MEMO1: variants seen among roughly 807,000 people sequenced by gnomAD.
MEMO1 encodes protein MEMO1.
Under a neutral mutation model 45.2 loss-of-function variants are expected in MEMO1, and 6 were observed. That is an observed-to-expected ratio of 0.13 (90% CI 0.07 to 0.26). The LOEUF (loss-of-function observed/expected upper bound fraction) is 0.26, where lower values mean the gene tolerates loss of function less well. Among genes scored for constraint, MEMO1 ranks in the 10% least tolerant of loss-of-function variants. MEMO1 has a pLI of 1.00. For missense variants in MEMO1, 184 were observed against 370.5 expected, an observed-to-expected ratio of 0.50 and a Z score of 4.13; for synonymous variants, 78 against 124.3, an observed-to-expected ratio of 0.63 and a Z score of 2.48.
chr2:31,924,231 C>CA (rs1375204789), intron 4 of MEMO1, among the ~76,000 whole-genome samples: 4 of 151,238 alleles, frequency 2.6e-5, no homozygotes, highest in South Asian at 2.1e-4. Flanking sequence ...TAAATGCTAA[C>CA]AAAAAAAATG....
intron 6 of MEMO1, among the ~76,000 whole-genome samples, chr2:31,905,233 C>A (rs573164788): frequency 6.6e-6 from 1 of 151,238 alleles, no homozygotes; most frequent in Non-Finnish European, 1.5e-5. Context: ...AATCCTATCT[C>A]CAAAAAAGAA....
At chr2:31,886,946 T>C (rs1448419623) in intron 7 of MEMO1, among the ~76,000 whole-genome samples, 2 of 152,162 alleles carry the variant, frequency 1.3e-5, no homozygotes, top group Non-Finnish European at 2.9e-5. Flanking sequence ...CAGTAGTTTC[T>C]TCAGGTGCCT....
At chr2:31,952,609 T>G (rs192310729) in intron 2 of MEMO1, among the ~76,000 whole-genome samples, 2 of 152,332 alleles carry the variant, frequency 1.3e-5, no homozygotes, top group Admixed American at 6.5e-5. Context: ...TGTTTATAAA[T>G]CAGTTTCCTA....
chr2:31,906,219 C>T (rs1206548634), intron 6 of MEMO1, among the ~76,000 whole-genome samples: 3 of 152,160 alleles, frequency 2.0e-5, no homozygotes, highest in African/African-American at 7.2e-5. Context: ...ATCCACCCGC[C>T]TCAACCTCCC....
At chr2:32,010,645 A>AC (rs1674789128) in intron 1 of MEMO1, 1 of 123,970 alleles carries the variant, frequency 8.1e-6, no homozygotes, top group African/African-American at 3.0e-5. Context: ...ACCGCGAGTG[A>AC]CCCCACCCCC....
intron 6 of MEMO1, among the ~76,000 whole-genome samples, chr2:31,917,683 C>A (rs532126989): frequency 7.2e-5 from 11 of 152,316 alleles, no homozygotes; most frequent in African/African-American, 2.6e-4. Flanking sequence ...CCCACATACA[C>A]TCACATACCC....
At chr2:31,969,802 A>T (rs1669166309) in intron 2 of MEMO1, among the ~76,000 whole-genome samples, 2 of 148,614 alleles carry the variant, frequency 1.3e-5, no homozygotes. Flanking sequence ...AAGACAAGGG[A>T]TCTTACTATA....
At chr2:31,900,656 G>A (rs1359228052) in intron 6 of MEMO1, among the ~76,000 whole-genome samples, 1 of 151,544 alleles carries the variant, frequency 6.6e-6, no homozygotes, top group African/African-American at 2.4e-5. Context: ...GTTCTGCACT[G>A]TATCCCAGAA....
intron 2 of MEMO1, among the ~76,000 whole-genome samples, chr2:32,006,807 A>C (rs920267309): frequency 6.6e-6 from 1 of 152,030 alleles, no homozygotes; most frequent in Admixed American, 6.6e-5. Context: ...TCTACTAAAA[A>C]TACAAAAATT....
chr2:31,942,392 T>A (rs1293031860), intron 3 of MEMO1, among the ~76,000 whole-genome samples: 1 of 152,232 alleles, frequency 6.6e-6, no homozygotes, highest in African/African-American at 2.4e-5. Context: ...TTTATAGCAA[T>A]GGCTACCAAA....
At chr2:31,901,271 G>A (rs1013581904) in intron 6 of MEMO1, among the ~76,000 whole-genome samples, 1 of 150,750 alleles carries the variant, frequency 6.6e-6, no homozygotes, top group African/African-American at 2.4e-5. Context: ...TACTTGGGAG[G>A]CGGAGGCAGA....
Position 31,870,277 on chromosome 2 carries a change from T to C in MEMO1, c.658-325A>G, listed in dbSNP as rs184410112. Among the ~76,000 whole-genome samples, 8 of 152,280 alleles carry C rather than the reference T, an allele frequency of 5.3e-5. No homozygotes were observed. In the East Asian group the frequency reaches 1.2e-3, roughly 22 times the overall value. On this transcript the variant is annotated intron_variant, in intron 8 of 9. Transcript: ENST00000404530. Reference sequence around the variant, plus strand: ...TTCATAATATTATATCTTTCTTCCATAGAAAGAATACACAAAAGTAAATCT... The same window carrying C: ...TTCATAATATTATATCTTTCTTCCACAGAAAGAATACACAAAAGTAAATCT...
At chr2:31,963,041 C>T (rs1376861216) in intron 2 of MEMO1, 1 of 1,268,840 alleles carries the variant, frequency 7.9e-7, no homozygotes, top group African/African-American at 1.5e-5. Context: ...CATCAGATTT[C>T]TTCTGCCTTC....
Position 31,915,270 on chromosome 2 carries a change from C to T in MEMO1, c.437+2656G>A, listed in dbSNP as rs567204954. On this transcript the variant is annotated intron_variant, in intron 6 of 9. Coordinates refer to ENST00000404530, the MANE Select transcript of MEMO1 (RefSeq NM_001301833.4). ...AAGATTTCTGAACATCCTGGGAGGG[C>T]TGGGTGTATATGACATGTTAAAGAG... is the stretch of plus-strand genomic sequence containing the variant. 2.6e-5 allele frequency among the ~76,000 whole-genome samples: 4 copies of T among 152,250 alleles called. No homozygotes were observed. The South Asian group carries it at 8.3e-4, about 32-fold the overall frequency.
intron 2 of MEMO1, among the ~76,000 whole-genome samples, chr2:31,969,238 T>A (rs1256912223): frequency 6.6e-6 from 1 of 151,492 alleles, no homozygotes; most frequent in Non-Finnish European, 1.5e-5. Flanking sequence ...GACTTACTGG[T>A]AAGTGATTTA....
At chr2:31,925,475 C>CAAAAAAAAAAAAAAAAAAAAAAAAAA (rs70964741) in intron 4 of MEMO1, among the ~76,000 whole-genome samples, 1 of 79,236 alleles carries the variant, frequency 1.3e-5, no homozygotes, top group African/African-American at 7.0e-5. Context: ...GACTCCGTCT[C>CAAAAAAAAAAAAAAAAAAAAAAAAAA]AAAAAAAAAA....
rs547848318 is a variant in MEMO1, at chr2:31,943,780, C to G, written c.62-397G>C. ...TACAGATTAATCACTGAAATGACAT[C>G]CACAGAAGGTAATCACTTCCACACC... On this transcript the variant is annotated intron_variant, in intron 2 of 9. Coordinates refer to ENST00000404530, the MANE Select transcript of MEMO1 (RefSeq NM_001301833.4). Among the ~76,000 whole-genome samples, 8 of 152,244 alleles carry G rather than the reference C, an allele frequency of 5.3e-5. No individual in the cohort carries two copies. The South Asian group carries it at 1.0e-3, about 20-fold the overall frequency.
chr2:31,966,389 G>A (rs1490498440), intron 2 of MEMO1, among the ~76,000 whole-genome samples: 4 of 152,160 alleles, frequency 2.6e-5, no homozygotes, highest in Admixed American at 2.0e-4. Context: ...CCTTTCTTCT[G>A]AAAGATGAAT....
In MEMO1 at chr2:31,890,432, C is replaced by T. The variant is rs1348323934; in HGVS notation, c.580+1560G>A. On this transcript the variant is annotated intron_variant, in intron 7 of 9. Coordinates refer to ENST00000404530, the MANE Select transcript of MEMO1 (RefSeq NM_001301833.4). ...TTTGCAGTAATGATACTTAAGTTTTCAAGGTCACTTATTACATTTCAAAAT... is the reference window on the plus strand; with the variant it reads ...TTTGCAGTAATGATACTTAAGTTTTTAAGGTCACTTATTACATTTCAAAAT... 2.0e-5 allele frequency among the ~76,000 whole-genome samples: 3 copies of T among 152,056 alleles called. No individual in the cohort carries two copies. In the East Asian group the frequency reaches 5.8e-4, roughly 29 times the overall value.
Sources: gnomAD v4.1 joint callset for allele counts (sites outside exome capture counted in the v4.1 genomes callset) on GRCh38, gnomAD v4.1.1 for gene constraint, MANE v1.5 for transcripts, NCBI Gene and HGNC (gene_info 2026-07-23, HGNC 2026-07-21) for gene names.